The following AFF3 variants were observed in gnomAD, a reference collection of about 807,000 sequenced individuals.
AFF3 encodes AF4/FMR2 family member 3.
AFF3 carries 32 observed loss-of-function variants against 129.7 expected under a neutral mutation model. The ratio of observed to expected loss-of-function variants is 0.25; its 90% CI spans 0.19 to 0.33. The LOEUF (loss-of-function observed/expected upper bound fraction) is 0.33, where lower values mean the gene tolerates loss of function less well. Ranked by LOEUF, AFF3 falls within the 10% of genes least tolerant of loss-of-function variation. The pLI is 1.00. For missense variants in AFF3, 1,373 were observed against 1,592.0 expected (o/e 0.86, Z 2.34); for synonymous variants, 644 against 635.4 (o/e 1.01, Z -0.20).
chr2:99,722,701 T>C (rs1375265326), intron 11 of AFF3, among the ~76,000 whole-genome samples: 1 of 152,222 alleles, frequency 6.6e-6, no homozygotes, highest in Non-Finnish European at 1.5e-5. Context: ...ATTGGCATAT[T>C]CCCCACACAT....
intron 7 of AFF3, among the ~76,000 whole-genome samples, chr2:99,859,625 C>T (rs1038255297): frequency 3.3e-5 from 5 of 152,186 alleles, no homozygotes; most frequent in Non-Finnish European, 7.3e-5. Flanking sequence ...TCTATGTGTT[C>T]ATTTTCTGTC....
At chr2:99,774,578 T>A in intron 8 of AFF3, among the ~76,000 whole-genome samples, 1 of 152,054 alleles carries the variant, frequency 6.6e-6, no homozygotes, top group South Asian at 2.1e-4. Flanking sequence ...TTACACCATA[T>A]ACAAAAAATC....
chr2:99,852,804 C>T (rs551535824), intron 7 of AFF3, among the ~76,000 whole-genome samples: 1 of 152,298 alleles, frequency 6.6e-6, no homozygotes, highest in African/African-American at 2.4e-5. Context: ...ATAATGAGGA[C>T]TTTTAGTCCT....
chr2:100,099,025 C>T (rs1690507975), intron 4 of AFF3, among the ~76,000 whole-genome samples: 1 of 131,512 alleles, frequency 7.6e-6, no homozygotes, highest in African/African-American at 3.2e-5. Flanking sequence ...CAGGCCCATG[C>T]TGAGGGCCAA....
intron 11 of AFF3, among the ~76,000 whole-genome samples, chr2:99,695,938 G>GAAAAAAAAAAAAAAAAAAA (rs10719354): frequency 1.7e-5 from 1 of 57,658 alleles, no homozygotes; most frequent in Non-Finnish European, 2.9e-5. Flanking sequence ...CTGGAAAAAT[G>GAAAAAAAAAAAAAAAAAAA]AAAAAAAAAA....
chr2:99,769,412 T>C (rs1401096295), intron 8 of AFF3, among the ~76,000 whole-genome samples: 1 of 152,226 alleles, frequency 6.6e-6, no homozygotes, highest in African/African-American at 2.4e-5. Context: ...CTGTGTTACC[T>C]TGAATTTCTT....
At chr2:99,972,485 C>T (rs1318387325) in intron 7 of AFF3, among the ~76,000 whole-genome samples, 1 of 152,242 alleles carries the variant, frequency 6.6e-6, no homozygotes, top group Non-Finnish European at 1.5e-5. Context: ...AGTGACACCA[C>T]ACACAGAGTT....
chr2:99,587,009 A>C, intron 16 of AFF3, 145 bp downstream of exon 16: 3 of 1,051,966 alleles, frequency 2.9e-6, no homozygotes, highest in Non-Finnish European at 4.2e-6. Context: ...CATAATAATA[A>C]GATTTGGGTT....
In AFF3 at chr2:99,667,083, A is replaced by G. The variant is rs369722246; in HGVS notation, c.1143+5455T>C. ...ACACCCTACCCAACAACAGCAGAATACACATTCTTTTAAGTGCCTATAAAA... is the reference window on the plus strand; with the variant it reads ...ACACCCTACCCAACAACAGCAGAATGCACATTCTTTTAAGTGCCTATAAAA... On this transcript the variant is annotated intron_variant, in intron 12 of 24. Transcript: ENST00000672756. Among the ~76,000 whole-genome samples the G allele has an allele frequency of 1.6e-4, 24 of 152,306 alleles. 1 individual carries two copies. The Middle Eastern group carries it at 0.01, about 65-fold the overall frequency.
intron 11 of AFF3, among the ~76,000 whole-genome samples, chr2:99,717,492 C>T (rs1408721965): frequency 2.0e-5 from 3 of 152,126 alleles, no homozygotes; most frequent in African/African-American, 7.2e-5. Context: ...TAGTGAAAAG[C>T]ACCTTTTCAT....
At chr2:99,619,468 C>T (rs1681777399) in intron 13 of AFF3, among the ~76,000 whole-genome samples, 1 of 152,206 alleles carries the variant, frequency 6.6e-6, no homozygotes. Flanking sequence ...TCAGGTGTTT[C>T]TGCAGGGAGT....
At chr2:99,981,792 A>G (rs1200780933) in intron 7 of AFF3, among the ~76,000 whole-genome samples, 2 of 152,196 alleles carry the variant, frequency 1.3e-5, no homozygotes, top group East Asian at 3.8e-4. Flanking sequence ...TCTGCCTTTG[A>G]ATTTGAGATC....
At position 99,748,276 on chromosome 2, in the gene AFF3, T is replaced by G. The variant is rs1291015335; in HGVS notation, c.1002+3945A>C. On this transcript the variant is annotated intron_variant, in intron 9 of 24. Transcript: ENST00000672756. ...TCCAGATACCTACATATGTGTAGCTTCTGTCTCACCAGCCTTCTCTCCCCT... is the reference window on the plus strand; with the variant it reads ...TCCAGATACCTACATATGTGTAGCTGCTGTCTCACCAGCCTTCTCTCCCCT... Among the ~76,000 whole-genome samples the G allele has an allele frequency of 3.3e-5, 5 of 152,324 alleles. No individual in the cohort carries two copies. The East Asian group carries it at 9.7e-4, about 29-fold the overall frequency.
At chr2:99,909,192 C>T (rs1348111480) in intron 7 of AFF3, among the ~76,000 whole-genome samples, 22 of 151,820 alleles carry the variant, frequency 1.4e-4, no homozygotes, top group South Asian at 2.1e-4. Context: ...TGTAGGGACA[C>T]GGATGAAGCT....
At chr2:100,033,413 T>C (rs1684669773) in intron 4 of AFF3, among the ~76,000 whole-genome samples, 1 of 152,220 alleles carries the variant, frequency 6.6e-6, no homozygotes, top group African/African-American at 2.4e-5. Flanking sequence ...TAAACACAAA[T>C]GTGGGATACG....
intron 20 of AFF3, among the ~76,000 whole-genome samples, 170 bp from the exon 21 acceptor site, chr2:99,560,606 T>C (rs1456969636): frequency 6.6e-6 from 1 of 152,254 alleles, no homozygotes; most frequent in African/African-American, 2.4e-5. Flanking sequence ...CTGGTGCTGC[T>C]CCATTTTCCC....
chr2:99,879,376 C>A (rs1363813232), intron 7 of AFF3, among the ~76,000 whole-genome samples: 2 of 152,114 alleles, frequency 1.3e-5, no homozygotes, highest in Non-Finnish European at 2.9e-5. Context: ...ATCTTCTGGG[C>A]TGTGCTCATC....
At chr2:99,599,238 T>A in intron 14 of AFF3, among the ~76,000 whole-genome samples, 1 of 152,234 alleles carries the variant, frequency 6.6e-6, no homozygotes, top group Non-Finnish European at 1.5e-5. Flanking sequence ...AAGCACTTTA[T>A]AACTGTACTG....
At chr2:99,971,072 C>T (rs139235744) in intron 7 of AFF3, among the ~76,000 whole-genome samples, 151 of 152,262 alleles carry the variant, frequency 9.9e-4, no homozygotes, top group Non-Finnish European at 1.6e-3. Context: ...TCCTACCAAC[C>T]CCCTGACTCT....
Sources: allele counts gnomAD v4.1 joint callset (sites outside exome capture counted in the v4.1 genomes callset), GRCh38; gene constraint gnomAD v4.1.1; transcripts MANE v1.5; gene names NCBI Gene and HGNC (gene_info 2026-07-23, HGNC 2026-07-21).